The following ZZZ3 variants were observed in gnomAD, a reference collection of about 807,000 sequenced individuals.
ZZZ3 encodes zinc finger ZZ-type containing 3.
In ZZZ3, 22 loss-of-function variants were observed where a neutral mutation model predicts 95.2. The observed-to-expected ratio is 0.23, with a 90% CI of 0.17 to 0.33. The LOEUF is 0.33. Among genes scored for constraint, ZZZ3 ranks in the 10% least tolerant of loss-of-function variants. The pLI, the probability that ZZZ3 is intolerant of heterozygous loss-of-function variation, is 1.00. For missense variants in ZZZ3, 885 were observed against 1,066.5 expected, an observed-to-expected ratio of 0.83 and a Z score of 2.37; for synonymous variants, 335 against 358.9, an observed-to-expected ratio of 0.93 and a Z score of 0.75.
intron 1 of ZZZ3, among the ~76,000 whole-genome samples, chr1:77,644,224 C>T (rs1316126750): frequency 6.6e-6 from 1 of 152,102 alleles, no homozygotes; most frequent in East Asian, 1.9e-4. Flanking sequence ...TGCCACCACG[C>T]CCATTTAATT....
At chr1:77,594,010 C>A (rs1663973557) in intron 5 of ZZZ3, among the ~76,000 whole-genome samples, 1 of 152,134 alleles carries the variant, frequency 6.6e-6, no homozygotes, top group African/African-American at 2.4e-5. Flanking sequence ...TCACTCATTA[C>A]TATATATTCT....
Position 77,632,507 on chromosome 1 carries a change from A to G in ZZZ3, c.848T>C (p.Val283Ala). 6.2e-7 allele frequency: 1 copy of G among 1,614,164 alleles called. No homozygotes were observed. The highest frequency in any genetic ancestry group is 8.5e-7 in the Non-Finnish European group (1 of 1,180,018). ...ATGTTCCACAGGCAAGCAGGCAGTT[A>G]CTATTTTGTGGTCCTCCAACTTGAC... ...VQVKLEDHKIVTACLPVEHVN... is the reference protein window; with the variant it reads ...VQVKLEDHKIATACLPVEHVN... The change falls in exon 5 of 15, where the codon GTA becomes GCA. Residue 283 changes from valine to alanine, a missense_variant. Val to Ala is a moderately conservative substitution (Grantham distance 64, BLOSUM62 0). Coordinates refer to ENST00000370801, the MANE Select transcript of ZZZ3 (RefSeq NM_015534.6).
At position 77,565,040 on chromosome 1, in the gene ZZZ3, G is replaced by C. The variant is rs549978682; in HGVS notation, c.*600C>G. ...GGAAGCAATGCCACAGTTGCCTCCT[G>C]TAGTGCTTCACTGTTGGTAATTAAG... On this transcript the variant is annotated 3_prime_UTR_variant, in exon 15 of 15. Coordinates refer to ENST00000370801, the MANE Select transcript of ZZZ3 (RefSeq NM_015534.6). 6.5e-6 allele frequency: 1 copy of C among 152,754 alleles called. No homozygotes were observed. The highest frequency in any genetic ancestry group is 6.5e-5 in the Admixed American group (1 of 15,306). The allele number at this position is 152,754 out of a possible 1,614,324, so 9.5% of individuals were successfully genotyped here.
At chr1:77,626,785 T>C (rs1667378602) in intron 5 of ZZZ3, among the ~76,000 whole-genome samples, 1 of 152,238 alleles carries the variant, frequency 6.6e-6, no homozygotes, top group South Asian at 2.1e-4. Context: ...TTGACTTTAA[T>C]ATACCTACCG....
intron 1 of ZZZ3, among the ~76,000 whole-genome samples, chr1:77,670,593 C>G (rs1320823000): frequency 1.3e-5 from 2 of 152,018 alleles, no homozygotes; most frequent in East Asian, 3.9e-4. Flanking sequence ...AAACATTAAC[C>G]AGTAAGAGCT....
At chr1:77,574,744 C>T (rs1215494785) in intron 12 of ZZZ3, among the ~76,000 whole-genome samples, 2 of 152,150 alleles carry the variant, frequency 1.3e-5, no homozygotes, top group Non-Finnish European at 2.9e-5. Context: ...AAAGATGGGC[C>T]ACTTTGAACA....
chr1:77,615,147 T>G (rs1417421158), intron 5 of ZZZ3, among the ~76,000 whole-genome samples: 2 of 152,228 alleles, frequency 1.3e-5, no homozygotes, highest in Non-Finnish European at 2.9e-5. Flanking sequence ...GCTTTCTTCC[T>G]ACCTAACAAC....
intron 5 of ZZZ3, among the ~76,000 whole-genome samples, chr1:77,605,116 G>A (rs778562008): frequency 1.6e-4 from 24 of 152,186 alleles, no homozygotes; most frequent in Non-Finnish European, 3.1e-4. Flanking sequence ...TTAACTTCAT[G>A]TTGCTGAAAG....
intron 5 of ZZZ3, among the ~76,000 whole-genome samples, chr1:77,586,106 T>C (rs1225707721): frequency 6.6e-6 from 1 of 152,204 alleles, no homozygotes. Context: ...TTCTTTTGCT[T>C]TGAGGTGTAT....
At chr1:77,654,190 A>G in intron 1 of ZZZ3, among the ~76,000 whole-genome samples, 1 of 150,868 alleles carries the variant, frequency 6.6e-6, no homozygotes. Flanking sequence ...CATCTCAAAA[A>G]AAAAAAAAAA....
At position 77,581,888 on chromosome 1, in the gene ZZZ3, C is replaced by T. The variant is rs1401828350; in HGVS notation, c.1796G>A (p.Gly599Asp). The T allele has an allele frequency of 3.1e-6, 5 of 1,612,740 alleles. No individual in the cohort carries two copies. The East Asian group carries it at 8.9e-5, about 29-fold the overall frequency. Reference sequence around the variant, plus strand: ...AGGACTTTTTGGTCTAGCAGGTAAACCTACTGAAAAATAAGACCACATACA... The same window carrying T: ...AGGACTTTTTGGTCTAGCAGGTAAATCTACTGAAAAATAAGACCACATACA... ...RRVKLVFDKV[G>D]LPARPKSPLD... The change falls in exon 8 of 15, where the codon GGT becomes GAT. Residue 599 changes from glycine (G) to aspartate (D), a missense_variant. Physicochemically the swap from Gly to Asp is moderately conservative, Grantham distance 94. Around this residue, in one of 5 missense-constraint regions of ZZZ3, gnomAD observed 99 missense variants for 119.8 expected, o/e 0.83. Coordinates refer to ENST00000370801, the MANE Select transcript of ZZZ3 (RefSeq NM_015534.6).
chr1:77,625,561 A>G (rs1667256155), intron 5 of ZZZ3, among the ~76,000 whole-genome samples: 1 of 152,174 alleles, frequency 6.6e-6, no homozygotes, highest in Non-Finnish European at 1.5e-5. Flanking sequence ...CATAGAAAAG[A>G]AACAGATTAT....
chr1:77,583,059 C>G (rs1662690908), intron 6 of ZZZ3, among the ~76,000 whole-genome samples: 1 of 151,816 alleles, frequency 6.6e-6, no homozygotes, highest in Non-Finnish European at 1.5e-5. Flanking sequence ...GAACTGAGAT[C>G]AGACCCCACT....
chr1:77,603,351 T>C (rs1192815335), intron 5 of ZZZ3, among the ~76,000 whole-genome samples: 1 of 152,210 alleles, frequency 6.6e-6, no homozygotes, highest in Non-Finnish European at 1.5e-5. Flanking sequence ...AGTGCTACGA[T>C]TATAGGAATG....
rs1175511858 is a variant in ZZZ3, at chr1:77,584,597, G to C, written c.1564C>G (p.Gln522Glu). The change falls in exon 6 of 15, where the codon CAA becomes GAA. Residue 522 changes from glutamine (Q) to glutamate (E), a missense_variant. Transcript: ENST00000370801. ...VLEAQRSQAV[Q>E]DLESLGRHQR... The stretch of plus-strand genomic sequence containing the variant: ...TGCCTGCCTAAACTTTCAAGGTCTT[G>C]GACTGCTTGAGAACGCTGAGCCTCG... 6.2e-7 allele frequency: 1 copy of C among 1,612,676 alleles called. No individual in the cohort carries two copies.
At chr1:77,673,976 G>C (rs1033238100) in intron 1 of ZZZ3, among the ~76,000 whole-genome samples, 1 of 141,624 alleles carries the variant, frequency 7.1e-6, no homozygotes, top group African/African-American at 2.7e-5. Context: ...CAGGAATCCT[G>C]TACCATAGTT....
intron 5 of ZZZ3, among the ~76,000 whole-genome samples, chr1:77,590,240 G>A (rs1007535936): frequency 6.6e-6 from 1 of 152,134 alleles, no homozygotes; most frequent in Non-Finnish European, 1.5e-5. Context: ...TGGACATGGT[G>A]GTGCATGCCT....
chr1:77,578,929 T>G, intron 10 of ZZZ3, 60 bp from the exon 11 acceptor site: 2 of 1,082,764 alleles, frequency 1.8e-6, no homozygotes, highest in Non-Finnish European at 2.5e-6. Flanking sequence ...CTGAGTCGTT[T>G]TTAAAAATTA....
intron 1 of ZZZ3, among the ~76,000 whole-genome samples, chr1:77,648,078 G>T (rs1669457187): frequency 6.6e-6 from 1 of 152,064 alleles, no homozygotes; most frequent in Non-Finnish European, 1.5e-5. Flanking sequence ...TACCAAACAG[G>T]CCAAGTGTGG....
Sources: gnomAD v4.1 joint callset for allele counts (sites outside exome capture counted in the v4.1 genomes callset) on GRCh38, gnomAD v4.1.1 for gene constraint, gnomAD v4.1.1 regional missense constraint, MANE v1.5 for transcripts, NCBI Gene and HGNC (gene_info 2026-07-23, HGNC 2026-07-21) for gene names.